The following CNIH4 variants were observed in gnomAD, a reference collection of about 807,000 sequenced individuals.
The protein encoded by CNIH4 is cornichon family member 4, also known as protein cornichon homolog 4.
A neutral mutation model predicts 21.5 loss-of-function variants in CNIH4; 9 were observed. The ratio of observed to expected loss-of-function variants is 0.42; its 90% CI spans 0.25 to 0.73. The LOEUF (loss-of-function observed/expected upper bound fraction) is 0.73. CNIH4 is among the 30% of genes least tolerant of loss of function. The pLI is 0.27. For missense variants in CNIH4, 159 were observed against 170.0 expected, an observed-to-expected ratio of 0.94 and a Z score of 0.36; for synonymous variants, 67 against 59.1, an observed-to-expected ratio of 1.13 and a Z score of -0.61.
chr1:224,378,568 G>A lies in CNIH4; in HGVS notation c.*2746G>A, dbSNP rs1462420526. 1.3e-5 allele frequency: 2 copies of A among 148,892 alleles called. No homozygotes were observed. Among genetic ancestry groups the A allele is most frequent in the Non-Finnish European group, 3.0e-5 (2 of 67,484 alleles). The allele number at this position is 148,892 out of a possible 1,614,324, so 9.2% of individuals were successfully genotyped here. A position where few individuals can be genotyped will look rare whatever the true frequency, so the allele number is the denominator to read the frequency against. ...TTGTAACTGGGAACATCTGAATGCT[G>A]AGGCCTAGAGATCGTTCAGGGTGTT... On this transcript the variant is annotated 3_prime_UTR_variant, in exon 5 of 5. Transcript: ENST00000465271.
At chr1:224,358,918 G>A (rs1672192799) in intron 1 of CNIH4, among the ~76,000 whole-genome samples, 1 of 152,214 alleles carries the variant, frequency 6.6e-6, no homozygotes, top group South Asian at 2.1e-4. Context: ...TTAGGGATAG[G>A]AGGTGGAAAA....
Position 224,376,817 on chromosome 1 carries a change from GC to G in CNIH4, c.*996del, listed in dbSNP as rs1672794616. 1 of 985,240 alleles carries G rather than the reference GC, an allele frequency of 1.0e-6. No individual in the cohort carries two copies. The highest frequency in any genetic ancestry group is 1.2e-6 in the Non-Finnish European group (1 of 829,896). The allele number at this position is 985,240 out of a possible 1,614,324, so 61.0% of individuals were successfully genotyped here. ...ATTGTAAACTCTTGCAGGTGGGAGA[GC>G]AGTTCACCTCCTTAGCTCTGTTTGC... is the stretch of plus-strand genomic sequence containing the variant. On this transcript the variant is annotated 3_prime_UTR_variant, in exon 5 of 5. Coordinates refer to ENST00000465271, the MANE Select transcript of CNIH4 (RefSeq NM_014184.4).
At chr1:224,374,046 T>G (rs958475418) in intron 4 of CNIH4, among the ~76,000 whole-genome samples, 9 of 152,254 alleles carry the variant, frequency 5.9e-5, no homozygotes, top group Non-Finnish European at 1.0e-4. Flanking sequence ...TTCAGCCACA[T>G]TGCTATTACG....
intron 4 of CNIH4, among the ~76,000 whole-genome samples, chr1:224,373,572 G>A (rs1294985747): frequency 1.3e-5 from 2 of 151,470 alleles, no homozygotes; most frequent in African/African-American, 2.4e-5. Context: ...GCTCATGCCT[G>A]TAATCCCAGC....
Position 224,376,205 on chromosome 1 carries a change from T to TA in CNIH4, c.*384dup, listed in dbSNP as rs1227671611. On this transcript the variant is annotated 3_prime_UTR_variant, in exon 5 of 5. Coordinates refer to ENST00000465271, the MANE Select transcript of CNIH4 (RefSeq NM_014184.4). Reference sequence around the variant, plus strand: ...GTGCCCTTCAGGTCTACTGAAAAGTTAGAGTACAAAACAACACTGTTGATC... The same window carrying TA: ...GTGCCCTTCAGGTCTACTGAAAAGTTAAGAGTACAAAACAACACTGTTGATC... 3.0e-6 allele frequency: 3 copies of TA among 1,002,014 alleles called. No individual in the cohort carries two copies. Among genetic ancestry groups the TA allele is most frequent in the African/African-American group, 3.5e-5 (2 of 57,970 alleles). 62.1% of individuals were successfully genotyped at this position (1,002,014 alleles called of 1,614,324 possible).
intron 2 of CNIH4, among the ~76,000 whole-genome samples, chr1:224,362,977 A>C (rs1672343117): frequency 6.6e-6 from 1 of 151,152 alleles, no homozygotes; most frequent in South Asian, 2.1e-4. Flanking sequence ...TCTTAGTTTT[A>C]TCTCTTTGAT....
At chr1:224,364,266 G>A in intron 2 of CNIH4, 1 of 985,298 alleles carries the variant, frequency 1.0e-6, no homozygotes. Context: ...CATGTTTCAG[G>A]TCTGTGTCTG....
At chr1:224,356,870 G>A (rs1672125241), upstream of CNIH4, 2 of 1,482,562 alleles carry the variant, frequency 1.3e-6, no homozygotes, top group Admixed American at 1.9e-5. Context: ...ATCAGGGGTG[G>A]GTCGGGGCAT....
chr1:224,373,769 G>A (rs952486064), intron 4 of CNIH4, among the ~76,000 whole-genome samples: 1 of 151,842 alleles, frequency 6.6e-6, no homozygotes, highest in Admixed American at 6.6e-5. Context: ...TGGAGGTTGC[G>A]GTGAGCCGAT....
At chr1:224,372,869 C>T (rs539545310) in intron 4 of CNIH4, among the ~76,000 whole-genome samples, 37 of 152,052 alleles carry the variant, frequency 2.4e-4, no homozygotes, top group East Asian at 9.7e-4. Flanking sequence ...CATGAGCCAC[C>T]GTGCCTGGCC....
chr1:224,368,262 G>T (rs567689413), intron 3 of CNIH4, among the ~76,000 whole-genome samples: 9 of 152,312 alleles, frequency 5.9e-5, no homozygotes, highest in Middle Eastern at 3.4e-3. Flanking sequence ...AATCTGGGAG[G>T]CGGAGGTTGC....
At chr1:224,357,089 G>T (rs990121575) in intron 1 of CNIH4, 96 bp downstream of exon 1, 10 of 1,412,950 alleles carry the variant, frequency 7.1e-6, no homozygotes, top group Non-Finnish European at 7.8e-6. Flanking sequence ...CTAGGGAGGC[G>T]CCCGGCGGCG....
At chr1:224,368,688 A>C (rs1672536356) in intron 3 of CNIH4, among the ~76,000 whole-genome samples, 1 of 150,876 alleles carries the variant, frequency 6.6e-6, no homozygotes, top group African/African-American at 2.5e-5. Flanking sequence ...ATAGAGTCTC[A>C]CTCTGTTGCC....
intron 4 of CNIH4, among the ~76,000 whole-genome samples, chr1:224,371,796 G>GGT (rs1478115288): frequency 2.6e-5 from 4 of 152,144 alleles, no homozygotes; most frequent in African/African-American, 9.7e-5. Context: ...TACAAAATTA[G>GGT]GTGGGCGTGG....
intron 2 of CNIH4, among the ~76,000 whole-genome samples, chr1:224,362,545 A>T (rs1672327568): frequency 7.3e-6 from 1 of 137,018 alleles, no homozygotes. Flanking sequence ...ACTAGATTGC[A>T]GTGGCGTGAT....
intron 3 of CNIH4, among the ~76,000 whole-genome samples, chr1:224,370,316 G>C (rs1189618376): frequency 6.6e-6 from 1 of 152,114 alleles, no homozygotes; most frequent in African/African-American, 2.4e-5. Flanking sequence ...TTCAGCTATA[G>C]TCGGGCTACT....
rs2102874127 is a variant in CNIH4, at chr1:224,377,939, CAG to C, written c.*2120_*2121del. On this transcript the variant is annotated 3_prime_UTR_variant, in exon 5 of 5. Coordinates refer to ENST00000465271, the MANE Select transcript of CNIH4 (RefSeq NM_014184.4). ...AATCAGAAAGGTGCCATGTTTATAACAGAGGTCAAAGCTCCTTACTTCTGAAA... is the reference window on the plus strand; with the variant it reads ...AATCAGAAAGGTGCCATGTTTATAACAGGTCAAAGCTCCTTACTTCTGAAA... 6.6e-6 allele frequency: 1 copy of C among 152,272 alleles called. No homozygotes were observed. Among genetic ancestry groups the C allele is most frequent in the African/African-American group, 2.4e-5 (1 of 41,566 alleles). 9.4% of individuals were successfully genotyped at this position (152,272 alleles called of 1,614,324 possible). A position where few individuals can be genotyped will look rare whatever the true frequency, so the allele number is the denominator to read the frequency against.
At chr1:224,370,481 A>AC (rs1558399581) in intron 3 of CNIH4, among the ~76,000 whole-genome samples, 1 of 152,214 alleles carries the variant, frequency 6.6e-6, no homozygotes, top group African/African-American at 2.4e-5. Flanking sequence ...CTAGGTTAGG[A>AC]CATATATGTT....
chr1:224,364,099 C>T, intron 2 of CNIH4: 1 of 985,184 alleles, frequency 1.0e-6, no homozygotes, highest in Non-Finnish European at 1.2e-6. Flanking sequence ...CTTCCTGAAA[C>T]ATATTTCAGG....
Sources: allele counts gnomAD v4.1 joint callset (sites outside exome capture counted in the v4.1 genomes callset), GRCh38; gene constraint gnomAD v4.1.1; transcripts MANE v1.5; gene names NCBI Gene and HGNC (gene_info 2026-07-23, HGNC 2026-07-21).